Variants in KLRD1 observed in about 807,000 individuals in gnomAD.
KLRD1 encodes killer cell lectin like receptor D1, also known as natural killer cells antigen CD94.
Under a neutral mutation model 22.6 loss-of-function variants are expected in KLRD1, and 21 were observed. The ratio of observed to expected loss-of-function variants is 0.93; its 90% CI spans 0.66 to 1.34. KLRD1 has a LOEUF of 1.34. Ranked by LOEUF, KLRD1 falls within the 40% of genes most tolerant of loss-of-function variation. KLRD1 has a pLI of 0.00. For synonymous variants in KLRD1, 59 were observed against 71.1 expected (o/e 0.83, Z 0.85); for missense variants, 183 against 208.6 (o/e 0.88, Z 0.76).
chr12:10,260,801 G>T (rs912926633), intron 1 of KLRD1, among the ~76,000 whole-genome samples: 1 of 152,122 alleles, frequency 6.6e-6, no homozygotes. Context: ...AATTAGCCGG[G>T]TGTGGTGGTG....
At chr12:10,263,291 A>G (rs1435799464) in intron 1 of KLRD1, among the ~76,000 whole-genome samples, 1 of 151,994 alleles carries the variant, frequency 6.6e-6, no homozygotes, top group Non-Finnish European at 1.5e-5. Flanking sequence ...TATATGCTAA[A>G]ATTCTAATTC....
At chr12:10,259,927 C>T (rs1052847439) in intron 1 of KLRD1, among the ~76,000 whole-genome samples, 1 of 152,328 alleles carries the variant, frequency 6.6e-6, no homozygotes. Context: ...ATTCATGCTA[C>T]TGCACTCTAG....
intron 1 of KLRD1, among the ~76,000 whole-genome samples, chr12:10,241,151 C>T (rs1949237778): frequency 1.3e-5 from 2 of 152,042 alleles, no homozygotes; most frequent in African/African-American, 4.8e-5. Context: ...TTAACTAGGT[C>T]CCTTAATTCA....
rs2137752361 is a variant in KLRD1, at chr12:10,324,069, C to A, written c.*9276C>A. The A allele has an allele frequency of 6.6e-6, 1 of 152,124 alleles. No individual in the cohort carries two copies. The highest frequency in any genetic ancestry group is 1.5e-5 in the Non-Finnish European group (1 of 68,032). The allele number at this position is 152,124 out of a possible 1,614,324, so 9.4% of individuals were successfully genotyped here. On this transcript the variant is annotated 3_prime_UTR_variant, in exon 6 of 6. Coordinates refer to ENST00000336164, the MANE Select transcript of KLRD1 (RefSeq NM_002262.5). ...TAGAGACGGGGTTTCACCATGTTGACCAGTCTTGTCTTGAACTCCTGACCT... is the reference window on the plus strand; with the variant it reads ...TAGAGACGGGGTTTCACCATGTTGAACAGTCTTGTCTTGAACTCCTGACCT...
chr12:10,308,225 C>A, intron 1 of KLRD1, 141 bp downstream of exon 1: 1 of 671,408 alleles, frequency 1.5e-6, no homozygotes, highest in Non-Finnish European at 2.6e-6. Context: ...TAGCACTTTC[C>A]ACATTCATTA....
intron 4 of KLRD1, among the ~76,000 whole-genome samples, chr12:10,311,977 A>G: frequency 6.6e-6 from 1 of 151,846 alleles, no homozygotes; most frequent in East Asian, 1.9e-4. Flanking sequence ...ATAATTTTAT[A>G]GTTTTTGTCA....
intron 1 of KLRD1, among the ~76,000 whole-genome samples, chr12:10,245,065 T>A (rs1346095897): frequency 2.6e-5 from 4 of 152,142 alleles, no homozygotes; most frequent in Non-Finnish European, 1.5e-5. Flanking sequence ...TCAATTAATG[T>A]GCTCAATTTC....
chr12:10,256,153 G>C (rs1177304989), intron 1 of KLRD1, among the ~76,000 whole-genome samples: 2 of 151,568 alleles, frequency 1.3e-5, no homozygotes, highest in Non-Finnish European at 2.9e-5. Context: ...GTTACTCTTT[G>C]CTTGGAATAT....
chr12:10,241,958 A>G (rs1017911721), intron 1 of KLRD1, among the ~76,000 whole-genome samples: 14 of 152,090 alleles, frequency 9.2e-5, no homozygotes, highest in Non-Finnish European at 1.8e-4. Flanking sequence ...CTTTCATGAC[A>G]TCACAATCTG....
At chr12:10,267,418 TAAA>T (rs960457726) in intron 1 of KLRD1, among the ~76,000 whole-genome samples, 2 of 152,098 alleles carry the variant, frequency 1.3e-5, no homozygotes, top group Non-Finnish European at 2.9e-5. Flanking sequence ...GTTTATTTAA[TAAA>T]AAAATTTCAC....
At chr12:10,301,183 C>T (rs1263302905), upstream of KLRD1, among the ~76,000 whole-genome samples, 1 of 152,192 alleles carries the variant, frequency 6.6e-6, no homozygotes, top group Non-Finnish European at 1.5e-5. Flanking sequence ...TCCTTTGACT[C>T]ATTTCTGTGT....
intron 1 of KLRD1, among the ~76,000 whole-genome samples, chr12:10,239,410 TTCCTTCTTTCCA>T (rs1949212699): frequency 1.5e-5 from 1 of 67,464 alleles, no homozygotes; most frequent in Non-Finnish European, 3.1e-5. Flanking sequence ...ATTTCCTTCC[TTCCTTCTTTCCA>T]TCCTTCCTTC....
At chr12:10,239,583 C>CTT (rs764410569) in intron 1 of KLRD1, among the ~76,000 whole-genome samples, 1 of 95,158 alleles carries the variant, frequency 1.1e-5, no homozygotes, top group Non-Finnish European at 2.2e-5. Context: ...TTCTTTCTTT[C>CTT]TTTTTCTTTC....
rs58681152 is a variant in KLRD1 at position 10,276,296 on chromosome 12, CT to C, written c.-100-31681del. On this transcript the variant is annotated intron_variant, in intron 1 of 5. Transcript: ENST00000544747. ...TATATTTAAAATTATAATATGTTTT[CT>C]GTTCTTGTGCTTTGTTTGTTTGGAT... Among the ~76,000 whole-genome samples the C allele has an allele frequency of 3.9e-3, 594 of 152,078 alleles. 19 individuals carry two copies. The East Asian group carries it at 0.068, about 17-fold the overall frequency.
rs1224051055 is a variant in KLRD1, at chr12:10,320,926, G to A, written c.*6133G>A. 1 of 152,180 alleles carries A rather than the reference G, an allele frequency of 6.6e-6. No individual in the cohort carries two copies. The highest frequency in any genetic ancestry group is 1.5e-5 in the Non-Finnish European group (1 of 68,028). The allele number at this position is 152,180 out of a possible 1,614,324, so 9.4% of individuals were successfully genotyped here. A position where few individuals can be genotyped will look rare whatever the true frequency, so the allele number is the denominator to read the frequency against. On this transcript the variant is annotated 3_prime_UTR_variant, in exon 6 of 6. Transcript: ENST00000336164. ...GAGAAGATTGAAGAGATTTATGTGTGCGGTTTTTACAAATAGAGTTCATAG... is the reference window on the plus strand; with the variant it reads ...GAGAAGATTGAAGAGATTTATGTGTACGGTTTTTACAAATAGAGTTCATAG...
chr12:10,279,470 A>G (rs1454590172), intron 1 of KLRD1, among the ~76,000 whole-genome samples: 5 of 152,264 alleles, frequency 3.3e-5, no homozygotes, highest in South Asian at 2.1e-4. Context: ...ATCAAATCAC[A>G]TTTTATTTTT....
intron 1 of KLRD1, among the ~76,000 whole-genome samples, chr12:10,290,602 A>T (rs777284185): frequency 6.6e-6 from 1 of 152,218 alleles, no homozygotes; most frequent in Non-Finnish European, 1.5e-5. Flanking sequence ...GTCAAGCACT[A>T]GAATTGGCGT....
chr12:10,243,711 A>G (rs4763478), intron 1 of KLRD1, among the ~76,000 whole-genome samples: 113,243 of 150,644 alleles, frequency 0.75, 43,150 homozygotes, highest in East Asian at 1. Flanking sequence ...ACTGTCTAGT[A>G]ACAATTTTAC....
At chr12:10,290,176 G>A (rs972517944) in intron 1 of KLRD1, among the ~76,000 whole-genome samples, 2 of 152,180 alleles carry the variant, frequency 1.3e-5, no homozygotes, top group Non-Finnish European at 2.9e-5. Flanking sequence ...TAACTGCAAA[G>A]GCATTGGACA....
Sources: allele counts gnomAD v4.1 joint callset (sites outside exome capture counted in the v4.1 genomes callset), GRCh38; gene constraint gnomAD v4.1.1; transcripts MANE v1.5; gene names NCBI Gene and HGNC (gene_info 2026-07-23, HGNC 2026-07-21).